Variants in EP300 observed in about 807,000 individuals in gnomAD.
EP300 encodes the protein histone acetyltransferase p300.
In EP300, 31 loss-of-function variants were observed where a neutral mutation model predicts 264.0. That is an observed-to-expected ratio of 0.12 (90% CI 0.09 to 0.16). The LOEUF (loss-of-function observed/expected upper bound fraction) is 0.16. EP300 is among the 10% of genes least tolerant of loss of function. The probability of loss-of-function intolerance (pLI) is 1.00; values close to 1 mark genes in which losing one functional copy is unlikely to be tolerated. For missense variants in EP300, 2,766 were observed against 3,052.9 expected, an observed-to-expected ratio of 0.91 and a Z score of 2.21; for synonymous variants, 1,340 against 1,045.4, an observed-to-expected ratio of 1.28 and a Z score of -5.44.
At chr22:41,143,297 C>G (rs770359066) in intron 10 of EP300, among the ~76,000 whole-genome samples, 8 of 151,978 alleles carry the variant, frequency 5.3e-5, no homozygotes, top group Non-Finnish European at 1.0e-4. Flanking sequence ...ATAAAAAATA[C>G]AAAAATTAGC....
chr22:41,131,834 T>A (rs2058921570), intron 6 of EP300, among the ~76,000 whole-genome samples: 1 of 152,186 alleles, frequency 6.6e-6, no homozygotes, highest in Admixed American at 6.5e-5. Context: ...TGATCCTTTT[T>A]TGCATTATAT....
intron 19 of EP300, 157 bp from the exon 20 acceptor site, chr22:41,160,485 T>C: frequency 1.5e-6 from 1 of 645,226 alleles, no homozygotes; most frequent in South Asian, 1.7e-5. Context: ...GTGGGGCCCA[T>C]ATATCTGCAT....
chr22:41,126,541 C>CTACTAGTAGTAAA (rs2058883563), intron 3 of EP300, among the ~76,000 whole-genome samples: 1 of 152,042 alleles, frequency 6.6e-6, no homozygotes, highest in Non-Finnish European at 1.5e-5. Context: ...TACAGTCAAA[C>CTACTAGTAGTAAA]TACTAGTAGT....
chr22:41,144,056 T>A (rs1275685500), intron 10 of EP300, among the ~76,000 whole-genome samples: 1 of 152,214 alleles, frequency 6.6e-6, no homozygotes, highest in Non-Finnish European at 1.5e-5. Flanking sequence ...AACTCTTTCC[T>A]TATTAATTTT....
intron 2 of EP300, 49 bp downstream of exon 2, chr22:41,117,870 T>A: frequency 6.2e-7 from 1 of 1,611,836 alleles, no homozygotes; most frequent in East Asian, 2.2e-5. Flanking sequence ...ATGTGAGTAT[T>A]GTCATGATGG....
chr22:41,169,252 C>G, intron 25 of EP300: 1 of 571,448 alleles, frequency 1.7e-6, no homozygotes, highest in South Asian at 2.1e-5. Context: ...GTATAGGGAT[C>G]ACCAAATACT....
chr22:41,141,343 C>A, intron 10 of EP300, 121 bp downstream of exon 10: 3 of 1,115,480 alleles, frequency 2.7e-6, no homozygotes, highest in Non-Finnish European at 3.9e-6. Flanking sequence ...TAACCATTTG[C>A]CTTTGCAAAG....
At chr22:41,157,482 G>A (rs1408109875) in intron 18 of EP300, 74 bp downstream of exon 18, 1 of 982,552 alleles carries the variant, frequency 1.0e-6, no homozygotes, top group Non-Finnish European at 1.5e-6. Context: ...ACTGGGATAA[G>A]AGAATATCCT....
chr22:41,176,413 G>T lies in EP300; in HGVS notation c.4946G>T (p.Trp1649Leu), dbSNP rs1466086622. The change falls in exon 30 of 31, where the codon TGG becomes TTG. Residue 1649 changes from tryptophan (W) to leucine (L), a missense_variant. By Grantham distance (61) the Trp-to-Leu change is moderately conservative. Coordinates refer to ENST00000263253, the MANE Select transcript of EP300 (RefSeq NM_001429.4). ...LEFSSLRRAQ[W>L]STMCMLVELH... ...TTCTCTTCACTCCGAAGAGCCCAGT[G>T]GTCCACCATGTGCATGCTGGTGGAG... 6.2e-7 allele frequency: 1 copy of T among 1,614,110 alleles called. No homozygotes were observed. Among genetic ancestry groups the T allele is most frequent in the African/African-American group, 1.3e-5 (1 of 74,940 alleles).
intron 22 of EP300, among the ~76,000 whole-genome samples, chr22:41,165,990 G>A (rs2059131897): frequency 6.6e-6 from 1 of 151,776 alleles, no homozygotes; most frequent in South Asian, 2.1e-4. Context: ...TCATTATGTT[G>A]GTCAGGGTGG....
chr22:41,151,524 A>ATG (rs959468984), intron 14 of EP300, among the ~76,000 whole-genome samples: 13 of 152,168 alleles, frequency 8.5e-5, no homozygotes, highest in East Asian at 7.7e-4. Context: ...TTCTGTATAA[A>ATG]TGTGAGCTCC....
At chr22:41,176,635 C>G in intron 30 of EP300, 107 bp downstream of exon 30, 2 of 1,607,974 alleles carry the variant, frequency 1.2e-6, no homozygotes, top group Non-Finnish European at 1.7e-6. Flanking sequence ...GGGGCTTGGC[C>G]TCGTGTTTGA....
intron 16 of EP300, among the ~76,000 whole-genome samples, chr22:41,153,401 C>T (rs2059058273): frequency 6.6e-6 from 1 of 152,078 alleles, no homozygotes; most frequent in African/African-American, 2.4e-5. Flanking sequence ...AAAAATAAGA[C>T]TTGTATATAT....
chr22:41,117,125 A>G, intron 1 of EP300, 62 bp from the exon 2 acceptor site: 1 of 1,367,350 alleles, frequency 7.3e-7, no homozygotes, highest in Non-Finnish European at 1.0e-6. Flanking sequence ...AGAACAATAT[A>G]GAGCAGTTTT....
chr22:41,148,975 TTAGTTATAG>T, intron 12 of EP300, 54 bp from the exon 13 acceptor site: 2 of 1,606,638 alleles, frequency 1.2e-6, no homozygotes, highest in Non-Finnish European at 1.7e-6. Context: ...TTTGATGATT[TTAGTTATAG>T]TAGAATAACT....
rs1248942888 is a variant in EP300, at chr22:41,178,923, A to G, written c.7212A>G (p.Ser2404=). Residue 2404 remains serine (S), a synonymous_variant, in exon 31 of 31, where the codon TCA becomes TCG. Coordinates refer to ENST00000263253, the MANE Select transcript of EP300 (RefSeq NM_001429.4). ...GLSTDNSDLN[S]NLSQSTLDIH Reference sequence around the variant, plus strand: ...GCACCGATAACTCAGACTTGAATTCAAACCTCTCACAGAGTACACTAGACA... The same window carrying G: ...GCACCGATAACTCAGACTTGAATTCGAACCTCTCACAGAGTACACTAGACA... The G allele has an allele frequency of 1.9e-6, 3 of 1,614,106 alleles. No homozygotes were observed. The South Asian group carries it at 3.3e-5, about 18-fold the overall frequency.
rs908779316 is a variant in EP300, at chr22:41,164,279, C to T, written c.3806+149C>T. 23 of 763,358 alleles carry T rather than the reference C, an allele frequency of 3.0e-5. No individual in the cohort carries two copies. In the Middle Eastern group the frequency reaches 1.2e-3, roughly 39 times the overall value. The allele number at this position is 763,358 out of a possible 1,614,324, so 47.3% of individuals were successfully genotyped here. On this transcript the variant is annotated intron_variant, in intron 22 of 30. Coordinates refer to ENST00000263253, the MANE Select transcript of EP300 (RefSeq NM_001429.4). ...GGGTTTGGCCACGATAATTATAGTT[C>T]GCTTTTTAAAAATTAAGTAACCTAG...
rs1555904997 is a variant in EP300, at chr22:41,112,708, T to TA, written c.95-4479_95-4478insA. Among the ~76,000 whole-genome samples, 5 of 133,514 alleles carry TA rather than the reference T, an allele frequency of 3.7e-5. No homozygotes were observed. The South Asian group carries it at 1.1e-3, about 29-fold the overall frequency. The allele number at this position is 133,514 out of a possible 152,430, so 87.6% of individuals were successfully genotyped here. On this transcript the variant is annotated intron_variant, in intron 1 of 30. Coordinates refer to ENST00000263253, the MANE Select transcript of EP300 (RefSeq NM_001429.4). ...TATTGGCCATGTGTAATTTTTATAT[T>TA]GTTTTTTTTTTTTAGAAGTATTTGT... is the stretch of plus-strand genomic sequence containing the variant.
At chr22:41,137,159 G>C (rs1166614033) in intron 7 of EP300, among the ~76,000 whole-genome samples, 1 of 151,820 alleles carries the variant, frequency 6.6e-6, no homozygotes, top group African/African-American at 2.4e-5. Context: ...AGGAGTTTGA[G>C]ACCAGCCTAG....
Sources: allele counts gnomAD v4.1 joint callset (sites outside exome capture counted in the v4.1 genomes callset), GRCh38; gene constraint gnomAD v4.1.1; transcripts MANE v1.5; gene names NCBI Gene and HGNC (gene_info 2026-07-23, HGNC 2026-07-21).